PRDM16: variants seen among roughly 807,000 people sequenced by gnomAD.
The protein encoded by PRDM16 is PR/SET domain 16.
In PRDM16, 23 loss-of-function variants were observed where a neutral mutation model predicts 110.6. The ratio of observed to expected loss-of-function variants is 0.21; its 90% CI spans 0.15 to 0.29. The LOEUF is 0.29. Ranked by LOEUF, PRDM16 falls within the 10% of genes least tolerant of loss-of-function variation. PRDM16 has a pLI of 1.00. For synonymous variants in PRDM16, 799 were observed against 781.8 expected, an observed-to-expected ratio of 1.02 and a Z score of -0.37; for missense variants, 1,615 against 1,794.3, an observed-to-expected ratio of 0.90 and a Z score of 1.81.
At chr1:3,105,749 G>A (rs1017200244) in intron 1 of PRDM16, among the ~76,000 whole-genome samples, 2 of 152,204 alleles carry the variant, frequency 1.3e-5, no homozygotes, top group South Asian at 2.1e-4. Flanking sequence ...TTAGCGCTCC[G>A]CTGGCCTCGC....
At position 3,148,484 on chromosome 1, in the gene PRDM16, C is replaced by A. The variant is rs529669498; in HGVS notation, c.38-37641C>A. Among the ~76,000 whole-genome samples, 61 of 152,310 alleles carry A rather than the reference C, an allele frequency of 4.0e-4. No homozygotes were observed. The highest frequency in any genetic ancestry group is 6.2e-4 in the Non-Finnish European group (42 of 68,018). ...AGCCACTCACCCGCAGCAGGTGGAA[C>A]CCCTGCCTCACCTTCCCTGCTTCTG... On this transcript the variant is annotated intron_variant, in intron 1 of 16. Transcript: ENST00000270722. This position sits in a 1 kb window ranked among gnomAD's most constrained non-coding sequence, Gnocchi z 5.0.
chr1:3,233,494 G>A (rs185526234), intron 2 of PRDM16, among the ~76,000 whole-genome samples: 3 of 152,342 alleles, frequency 2.0e-5, no homozygotes, highest in Admixed American at 6.5e-5. Flanking sequence ...GGCTCAGGCT[G>A]AGCATGGAAC....
intron 3 of PRDM16, among the ~76,000 whole-genome samples, chr1:3,305,957 C>A (rs1557594436): frequency 6.6e-6 from 1 of 152,386 alleles, no homozygotes; most frequent in East Asian, 1.9e-4. Context: ...CTCTCTGCAT[C>A]CTCCTCAAGG....
At chr1:3,202,534 C>A (rs1004868096) in intron 2 of PRDM16, among the ~76,000 whole-genome samples, 1 of 152,188 alleles carries the variant, frequency 6.6e-6, no homozygotes, top group Non-Finnish European at 1.5e-5. Flanking sequence ...AGGCCTTTTG[C>A]ATTTTTGCTC....
chr1:3,433,871 G>A lies in PRDM16; in HGVS notation c.*60G>A. 2.5e-6 allele frequency: 4 copies of A among 1,590,334 alleles called. No individual in the cohort carries two copies. The highest frequency in any genetic ancestry group is 3.4e-6 in the Non-Finnish European group (4 of 1,169,366). On this transcript the variant is annotated 3_prime_UTR_variant, in exon 17 of 17. Coordinates refer to ENST00000270722, the MANE Select transcript of PRDM16 (RefSeq NM_022114.4). ...AGGGCACCAGCCACGAAGGACGGAGGCGGGCGGGGCCCCGGAGAACCCTGT... is the reference window on the plus strand; with the variant it reads ...AGGGCACCAGCCACGAAGGACGGAGACGGGCGGGGCCCCGGAGAACCCTGT...
intron 5 of PRDM16, among the ~76,000 whole-genome samples, chr1:3,402,461 C>T (rs533363865): frequency 6.6e-6 from 1 of 152,272 alleles, no homozygotes; most frequent in Non-Finnish European, 1.5e-5. Flanking sequence ...GCCCGGCTTC[C>T]TCCTCCACTC....
rs973152163 is a variant in PRDM16 at position 3,353,263 on chromosome 1, C to T, written c.439-31889C>T. Reference sequence around the variant, plus strand: ...GCGGTAAAAGTTTACGAGGGCTGGGCAGCTCCTAGGCATGGGCAGGCCCAT... The same window carrying T: ...GCGGTAAAAGTTTACGAGGGCTGGGTAGCTCCTAGGCATGGGCAGGCCCAT... On this transcript the variant is annotated intron_variant, in intron 3 of 16. Coordinates refer to ENST00000270722, the MANE Select transcript of PRDM16 (RefSeq NM_022114.4). The surrounding 1 kb of genome is among the most constrained non-coding windows in gnomAD (Gnocchi z 5.4). 2.6e-5 allele frequency among the ~76,000 whole-genome samples: 4 copies of T among 152,230 alleles called. No homozygotes were observed. The highest frequency in any genetic ancestry group is 9.6e-5 in the African/African-American group (4 of 41,462).
intron 3 of PRDM16, among the ~76,000 whole-genome samples, chr1:3,380,241 C>T (rs563110360): frequency 1.2e-3 from 175 of 151,844 alleles, no homozygotes; most frequent in African/African-American, 3.9e-3. Context: ...GAAGGGTTAG[C>T]GCCCACCTGG....
At chr1:3,399,404 C>T (rs1013021045) in intron 5 of PRDM16, among the ~76,000 whole-genome samples, 2 of 152,162 alleles carry the variant, frequency 1.3e-5, no homozygotes, top group East Asian at 1.9e-4. Flanking sequence ...ACTATGCCCC[C>T]GTTTCTGGCC....
At chr1:3,330,503 C>T (rs1483160906) in intron 3 of PRDM16, among the ~76,000 whole-genome samples, 2 of 152,190 alleles carry the variant, frequency 1.3e-5, no homozygotes, top group Non-Finnish European at 2.9e-5. Flanking sequence ...TTCCCATCTG[C>T]CCCTCGCTCC....
chr1:3,408,858 GGGT>G (rs1369270046), intron 8 of PRDM16, among the ~76,000 whole-genome samples: 2 of 151,332 alleles, frequency 1.3e-5, no homozygotes, highest in African/African-American at 4.9e-5. Context: ...GAGAGCACGA[GGGT>G]GGGCACGTGA....
chr1:3,116,003 G>T lies in PRDM16; in HGVS notation c.37+46707G>T, dbSNP rs535529860. Among the ~76,000 whole-genome samples the T allele has an allele frequency of 2.2e-4, 33 of 152,050 alleles. No individual in the cohort carries two copies. The South Asian group carries it at 6.6e-3, about 31-fold the overall frequency. On this transcript the variant is annotated intron_variant, in intron 1 of 16. Coordinates refer to ENST00000270722, the MANE Select transcript of PRDM16 (RefSeq NM_022114.4). ...GGACTCCCAGGCGGCCCCTCCCAGC[G>T]TCTGCAGCTCCCCAGGGGGCGGGGC...
At chr1:3,363,589 AT>A (rs1394850696) in intron 3 of PRDM16, among the ~76,000 whole-genome samples, 5 of 152,030 alleles carry the variant, frequency 3.3e-5, no homozygotes, top group Non-Finnish European at 7.4e-5. Context: ...TGAGAATCTT[AT>A]CCTGCCTTGA....
chr1:3,327,125 C>T (rs1434657945), intron 3 of PRDM16, among the ~76,000 whole-genome samples: 1 of 152,238 alleles, frequency 6.6e-6, no homozygotes, highest in South Asian at 2.1e-4. Context: ...AGTGGAAACA[C>T]TTTTTGTGTC....
chr1:3,141,882 C>A (rs1165482855), intron 1 of PRDM16, among the ~76,000 whole-genome samples: 4 of 152,238 alleles, frequency 2.6e-5, no homozygotes, highest in Non-Finnish European at 4.4e-5. Flanking sequence ...TGCCACCTGA[C>A]CCGTTCTGTG....
intron 1 of PRDM16, among the ~76,000 whole-genome samples, chr1:3,166,160 A>T (rs1285614424): frequency 6.6e-6 from 1 of 152,254 alleles, no homozygotes; most frequent in East Asian, 1.9e-4. Flanking sequence ...ACTGCCAGGA[A>T]ATCATGGATT....
At chr1:3,300,026 G>A (rs1353529755) in intron 3 of PRDM16, among the ~76,000 whole-genome samples, 2 of 97,884 alleles carry the variant, frequency 2.0e-5, no homozygotes, top group African/African-American at 3.0e-5. Context: ...ATGCTATGCT[G>A]TGGCCGTGAT....
intron 3 of PRDM16, among the ~76,000 whole-genome samples, chr1:3,368,093 A>G (rs1642846798): frequency 6.6e-6 from 1 of 152,182 alleles, no homozygotes. Flanking sequence ...CTTCTAGAAA[A>G]CAGTCTATCC....
intron 1 of PRDM16, among the ~76,000 whole-genome samples, chr1:3,106,415 G>C (rs532293862): frequency 5.3e-5 from 8 of 152,184 alleles, no homozygotes; most frequent in Non-Finnish European, 1.2e-4. Context: ...TGGGGCCCGA[G>C]GGGGCTGGAG....
Sources: allele counts gnomAD v4.1 joint callset (sites outside exome capture counted in the v4.1 genomes callset), GRCh38; gene constraint gnomAD v4.1.1; non-coding constraint Gnocchi (gnomAD v3.1); transcripts MANE v1.5; gene names NCBI Gene and HGNC (gene_info 2026-07-23, HGNC 2026-07-21).